The following TUSC3 variants were observed in gnomAD, a reference collection of about 807,000 sequenced individuals.
TUSC3 encodes dolichyl-diphosphooligosaccharide--protein glycosyltransferase subunit TUSC3.
Under a neutral mutation model 44.8 loss-of-function variants are expected in TUSC3, and 45 were observed. The observed-to-expected ratio is 1.00, with a 90% confidence interval of 0.79 to 1.29. The LOEUF is 1.29. TUSC3 is among the 50% of genes most tolerant of loss of function. TUSC3 has a pLI of 0.00. For missense variants in TUSC3, 519 were observed against 437.9 expected (o/e 1.19, Z -1.65); for synonymous variants, 212 against 152.9 (o/e 1.39, Z -2.85).
chr8:15,451,245 T>C (rs1800194418), intron 1 of TUSC3, among the ~76,000 whole-genome samples: 1 of 152,196 alleles, frequency 6.6e-6, no homozygotes, highest in African/African-American at 2.4e-5. Context: ...TCTCTTAGTT[T>C]CCTGGCATAC....
intron 2 of TUSC3, among the ~76,000 whole-genome samples, chr8:15,527,455 G>C (rs1801389566): frequency 6.6e-6 from 1 of 152,182 alleles, no homozygotes; most frequent in African/African-American, 2.4e-5. Flanking sequence ...GACCGTACGT[G>C]ATCCACCTGC....
the TUSC3 span, among the ~76,000 whole-genome samples, chr8:15,805,388 G>A: frequency 2.0e-5 from 3 of 152,082 alleles, no homozygotes; most frequent in Non-Finnish European, 2.9e-5. Context: ...GTGGTTGAGA[G>A]TGGGCATCTT....
At chr8:15,569,236 AATTCTTTTAGTCATTCTTCC>A (rs1490211496) in intron 1 of TUSC3, among the ~76,000 whole-genome samples, 5 of 152,112 alleles carry the variant, frequency 3.3e-5, no homozygotes, top group Admixed American at 6.6e-5. Flanking sequence ...TAAGCTACTA[AATTCTTTTAGTCATTCTTCC>A]ATTGCACTGT....
the TUSC3 span, among the ~76,000 whole-genome samples, chr8:15,829,568 C>T: frequency 6.6e-6 from 1 of 151,916 alleles, no homozygotes; most frequent in Non-Finnish European, 1.5e-5. Context: ...TTTCCATTTA[C>T]CCTGTTTTTG....
intron 9 of TUSC3, among the ~76,000 whole-genome samples, chr8:15,750,311 G>A (rs568193533): frequency 4.3e-4 from 65 of 152,138 alleles, no homozygotes; most frequent in African/African-American, 1.5e-3. Context: ...TTGACAGGAA[G>A]TAGGGAAGGG....
chr8:15,692,367 CCCCCTT>C (rs1411710787), intron 6 of TUSC3, among the ~76,000 whole-genome samples: 51 of 127,056 alleles, frequency 4.0e-4, no homozygotes, highest in African/African-American at 1.4e-3. Flanking sequence ...ACCCCCCCCC[CCCCCTT>C]TGTTTTTTTT....
At chr8:15,781,030 A>G in the TUSC3 span, among the ~76,000 whole-genome samples, 433 of 152,262 alleles carry the variant, frequency 2.8e-3, 3 homozygotes, top group African/African-American at 0.01. Flanking sequence ...AACTTGTATC[A>G]GGTAGTTAAA....
At chr8:15,451,535 G>A (rs1462610686) in intron 1 of TUSC3, among the ~76,000 whole-genome samples, 3 of 152,128 alleles carry the variant, frequency 2.0e-5, no homozygotes. Context: ...TGGAGGTGCT[G>A]GGACAGTGGC....
At chr8:15,843,757 G>A in the TUSC3 span, among the ~76,000 whole-genome samples, 4 of 151,994 alleles carry the variant, frequency 2.6e-5, no homozygotes, top group South Asian at 6.2e-4. Context: ...TAAAACACCT[G>A]TGTTCCAGAT....
intron 1 of TUSC3, among the ~76,000 whole-genome samples, chr8:15,444,736 C>A (rs1800069224): frequency 6.6e-6 from 1 of 151,660 alleles, no homozygotes; most frequent in African/African-American, 2.4e-5. Flanking sequence ...GGTTCTCTAA[C>A]TCAGAAATGT....
intron 1 of TUSC3, among the ~76,000 whole-genome samples, chr8:15,424,418 G>A (rs1028929656): frequency 2.0e-5 from 3 of 152,068 alleles, no homozygotes; most frequent in Admixed American, 6.6e-5. Flanking sequence ...TGTCTAGAGG[G>A]AGGGAGGAAA....
intron 1 of TUSC3, among the ~76,000 whole-genome samples, chr8:15,429,836 G>C (rs1799850643): frequency 6.6e-6 from 1 of 151,728 alleles, no homozygotes; most frequent in Non-Finnish European, 1.5e-5. Flanking sequence ...ACTACCATCA[G>C]AGAATACTAT....
chr8:15,440,010 A>C (rs902352333), intron 1 of TUSC3, among the ~76,000 whole-genome samples: 2 of 152,238 alleles, frequency 1.3e-5, no homozygotes, highest in Non-Finnish European at 2.9e-5. Flanking sequence ...GGGATAAGTA[A>C]AGGCAAACCT....
chr8:15,614,787 GATT>G, intron 1 of TUSC3, among the ~76,000 whole-genome samples: 1 of 151,932 alleles, frequency 6.6e-6, no homozygotes, highest in African/African-American at 2.4e-5. Flanking sequence ...TGAAATGCCG[GATT>G]ATTATTCTTT....
intron 1 of TUSC3, among the ~76,000 whole-genome samples, chr8:15,567,273 A>G (rs762195170): frequency 2.6e-5 from 4 of 152,162 alleles, no homozygotes; most frequent in South Asian, 4.2e-4. Flanking sequence ...TATTTTTTCA[A>G]TTAACAAAAA....
chr8:15,617,231 C>T (rs1805034526), intron 1 of TUSC3, among the ~76,000 whole-genome samples: 1 of 150,814 alleles, frequency 6.6e-6, no homozygotes, highest in African/African-American at 2.4e-5. Flanking sequence ...GCTCCGCCTC[C>T]CAGGTTCAAG....
At chr8:15,540,143 G>A (rs1440889420), upstream of TUSC3, 6 of 394,150 alleles carry the variant, frequency 1.5e-5, no homozygotes, top group Non-Finnish European at 2.7e-5. Context: ...GTCCGGGAAA[G>A]GCAAGCTCCG....
At chr8:15,791,271 C>T in the TUSC3 span, among the ~76,000 whole-genome samples, 1 of 132,372 alleles carries the variant, frequency 7.6e-6, no homozygotes, top group Non-Finnish European at 1.7e-5. Context: ...CTCTTAGCGC[C>T]CCCCCCAACC....
intron 2 of TUSC3, among the ~76,000 whole-genome samples, chr8:15,501,326 G>A (rs1800961992): frequency 6.6e-6 from 1 of 152,010 alleles, no homozygotes; most frequent in Non-Finnish European, 1.5e-5. Flanking sequence ...ATCCTTCTTG[G>A]AACCCAAAGT....
Sources: gnomAD v4.1 joint callset for allele counts (sites outside exome capture counted in the v4.1 genomes callset) on GRCh38, gnomAD v4.1.1 for gene constraint, MANE v1.5 for transcripts, NCBI Gene and HGNC (gene_info 2026-07-23, HGNC 2026-07-21) for gene names.